RGS9: variants seen among roughly 807,000 people sequenced by gnomAD.
The protein encoded by RGS9 is regulator of G protein signaling 9.
A neutral mutation model predicts 102.0 loss-of-function variants in RGS9; 78 were observed. The ratio of observed to expected loss-of-function variants is 0.76; its 90% CI spans 0.64 to 0.92. RGS9 has a LOEUF of 0.92. Ranked by LOEUF, RGS9 falls within the 40% of genes least tolerant of loss-of-function variation. RGS9 has a pLI of 0.00. For synonymous variants in RGS9, 353 were observed against 318.6 expected (o/e 1.11, Z -1.15); for missense variants, 833 against 866.1 (o/e 0.96, Z 0.48).
Position 65,138,036 on chromosome 17 carries a change from GCCACCCCATTTACAATGC to G in RGS9, c.57+442_57+459del, listed in dbSNP as rs1909981426. Among the ~76,000 whole-genome samples, 3 of 152,200 alleles carry G rather than the reference GCCACCCCATTTACAATGC, an allele frequency of 2.0e-5. No homozygotes were observed. In the South Asian group the frequency reaches 6.2e-4, roughly 32 times the overall value. On this transcript the variant is annotated intron_variant, in intron 1 of 18. Coordinates refer to ENST00000262406, the MANE Select transcript of RGS9 (RefSeq NM_003835.4). ...AACGGGGTGATTTGTAGGATAAAGG[GCCACCCCATTTACAATGC>G]CCTGAGAGCCCTCATTTGAGTGTGT...
At chr17:65,171,822 T>C (rs1211152119) in intron 8 of RGS9, among the ~76,000 whole-genome samples, 1 of 152,236 alleles carries the variant, frequency 6.6e-6, no homozygotes, top group African/African-American at 2.4e-5. Context: ...CTGAGCACGA[T>C]GCAAACAACA....
At chr17:65,193,112 A>AG (rs899537399) in intron 11 of RGS9, among the ~76,000 whole-genome samples, 1 of 151,512 alleles carries the variant, frequency 6.6e-6, no homozygotes, top group African/African-American at 2.4e-5. Flanking sequence ...AATACAAAAA[A>AG]AAAAAAAAAT....
intron 1 of RGS9, among the ~76,000 whole-genome samples, chr17:65,139,660 C>T (rs879278919): frequency 6.6e-6 from 1 of 152,194 alleles, no homozygotes; most frequent in Admixed American, 6.5e-5. Context: ...AGTCACCCCT[C>T]GGCTGTGAAG....
At chr17:65,137,749 C>T in intron 1 of RGS9, 152 bp downstream of exon 1, 1 of 684,868 alleles carries the variant, frequency 1.5e-6, no homozygotes, top group East Asian at 2.8e-5. Flanking sequence ...CTGTGTGTGT[C>T]GATATTGATG....
At chr17:65,184,809 T>G (rs934984645) in intron 9 of RGS9, among the ~76,000 whole-genome samples, 6 of 127,672 alleles carry the variant, frequency 4.7e-5, no homozygotes, top group Non-Finnish European at 9.2e-5. Flanking sequence ...TCTTTCTCTT[T>G]CTTTCCTCTC....
rs540349907 is a variant in RGS9, at chr17:65,205,299, CTT to C, written c.1203+1000_1203+1001del. On this transcript the variant is annotated intron_variant, in intron 15 of 18. Coordinates refer to ENST00000262406, the MANE Select transcript of RGS9 (RefSeq NM_003835.4). Reference sequence around the variant, plus strand: ...AATGATTTCTTTAAGGGCAAAGTATCTTTATAGGATATAGGTTATGTGATATA... The same window carrying C: ...AATGATTTCTTTAAGGGCAAAGTATCTATAGGATATAGGTTATGTGATATA... Among the ~76,000 whole-genome samples the C allele has an allele frequency of 1.7e-3, 264 of 152,114 alleles. 2 individuals are homozygous for C. Among genetic ancestry groups the C allele is most frequent in the African/African-American group, 5.9e-3 (246 of 41,472 alleles).
At chr17:65,189,934 T>C (rs1415954406) in intron 10 of RGS9, among the ~76,000 whole-genome samples, 1 of 152,112 alleles carries the variant, frequency 6.6e-6, no homozygotes, top group African/African-American at 2.4e-5. Flanking sequence ...TTAGAACTTT[T>C]TTTTTTTTCT....
At chr17:65,210,724 CAG>C (rs1270280826) in intron 17 of RGS9, 119 bp downstream of exon 17, 1 of 1,527,120 alleles carries the variant, frequency 6.5e-7, no homozygotes, top group East Asian at 2.4e-5. Flanking sequence ...AGGGTAGGGT[CAG>C]AGTCTAGAAG....
intron 1 of RGS9, among the ~76,000 whole-genome samples, chr17:65,141,887 C>T (rs1910170308): frequency 6.6e-6 from 1 of 152,170 alleles, no homozygotes; most frequent in African/African-American, 2.4e-5. Context: ...TGGGAGATTG[C>T]CTGCGGGTTG....
At position 65,184,859 on chromosome 17, in the gene RGS9, G is replaced by GTCTCTCTCTC. The variant is rs55810439; in HGVS notation, c.655-4417_655-4408dup. On this transcript the variant is annotated intron_variant, in intron 9 of 18. Coordinates refer to ENST00000262406, the MANE Select transcript of RGS9 (RefSeq NM_003835.4). ...CTTCCTTCTTTCCTTCCTTCTCACT[G>GTCTCTCTCTC]TCTCTCTCTCTCTCTCTCTTTCTTT... is the stretch of plus-strand genomic sequence containing the variant. Among the ~76,000 whole-genome samples, 238 of 138,410 alleles carry GTCTCTCTCTC rather than the reference G, an allele frequency of 1.7e-3. 1 individual carries two copies. The highest frequency in any genetic ancestry group is 6.0e-3 in the African/African-American group (226 of 37,660). The allele number at this position is 138,410 out of a possible 152,430, so 90.8% of individuals were successfully genotyped here. A position where few individuals can be genotyped will look rare whatever the true frequency, so the allele number is the denominator to read the frequency against.
At chr17:65,163,265 C>T (rs760271074) in intron 7 of RGS9, among the ~76,000 whole-genome samples, 176 bp downstream of exon 7, 3 of 150,104 alleles carry the variant, frequency 2.0e-5, no homozygotes, top group Non-Finnish European at 4.4e-5. Context: ...ACCTCCGCCT[C>T]CTGGGTTCAA....
At position 65,207,817 on chromosome 17, in the gene RGS9, CTT is replaced by C; in HGVS notation, c.1204-102_1204-101del. 3.8e-6 allele frequency: 3 copies of C among 781,850 alleles called. No individual in the cohort carries two copies. In the South Asian group the frequency reaches 4.3e-5, roughly 11 times the overall value. 48.4% of individuals were successfully genotyped at this position (781,850 alleles called of 1,614,324 possible). A position where few individuals can be genotyped will look rare whatever the true frequency, so the allele number is the denominator to read the frequency against. ...CACCCAAGGAGACAAATTCTCATAACTTTTCCATTCTACTGCCAAGGGAGGCT... is the reference window on the plus strand; with the variant it reads ...CACCCAAGGAGACAAATTCTCATAACTTCCATTCTACTGCCAAGGGAGGCT... On this transcript the variant is annotated intron_variant, in intron 15 of 18. Coordinates refer to ENST00000262406, the MANE Select transcript of RGS9 (RefSeq NM_003835.4).
intron 1 of RGS9, among the ~76,000 whole-genome samples, chr17:65,141,542 A>G (rs1471909999): frequency 6.6e-6 from 1 of 152,220 alleles, no homozygotes; most frequent in East Asian, 1.9e-4. Context: ...CTTTCATTCA[A>G]TACAGACATA....
intron 17 of RGS9, among the ~76,000 whole-genome samples, chr17:65,224,282 G>A (rs544821525): frequency 6.6e-6 from 1 of 152,120 alleles, no homozygotes; most frequent in Non-Finnish European, 1.5e-5. Flanking sequence ...TGGGGCCATG[G>A]TGGCCCAGGA....
chr17:65,214,110 C>T (rs114869827), intron 17 of RGS9, among the ~76,000 whole-genome samples: 1,702 of 152,178 alleles, frequency 0.011, 30 homozygotes, highest in African/African-American at 0.04. Context: ...TATAGGTGTG[C>T]GCCACCAGGC....
intron 2 of RGS9, among the ~76,000 whole-genome samples, chr17:65,157,073 T>A (rs1331637539): frequency 6.6e-6 from 1 of 152,026 alleles, no homozygotes; most frequent in Non-Finnish European, 1.5e-5. Context: ...TAAGAAGAAA[T>A]GTCCCTGCAC....
intron 8 of RGS9, among the ~76,000 whole-genome samples, chr17:65,170,751 A>G (rs1051803599): frequency 6.6e-6 from 1 of 152,114 alleles, no homozygotes; most frequent in Non-Finnish European, 1.5e-5. Flanking sequence ...TGGTCCTAGA[A>G]CTTCCAGGAC....
intron 8 of RGS9, among the ~76,000 whole-genome samples, chr17:65,174,506 T>C (rs909622551): frequency 2.6e-5 from 4 of 151,934 alleles, no homozygotes; most frequent in Non-Finnish European, 5.9e-5. Flanking sequence ...TGCATGTATG[T>C]GAGAATATGT....
At chr17:65,138,531 G>C (rs1910001167) in intron 1 of RGS9, among the ~76,000 whole-genome samples, 1 of 152,136 alleles carries the variant, frequency 6.6e-6, no homozygotes, top group South Asian at 2.1e-4. Flanking sequence ...TGGGGACCCC[G>C]AGACGGTCGC....
Sources: allele counts gnomAD v4.1 joint callset (sites outside exome capture counted in the v4.1 genomes callset), GRCh38; gene constraint gnomAD v4.1.1; transcripts MANE v1.5; gene names NCBI Gene and HGNC (gene_info 2026-07-23, HGNC 2026-07-21).